Variants in CTNNA3 observed in about 807,000 individuals in gnomAD.
The protein encoded by CTNNA3 is catenin alpha-3.
Under a neutral mutation model 95.7 loss-of-function variants are expected in CTNNA3, and 76 were observed. The observed-to-expected ratio is 0.79, with a 90% CI of 0.66 to 0.96. CTNNA3 has a LOEUF of 0.96. Ranked by LOEUF, CTNNA3 falls within the 40% of genes least tolerant of loss-of-function variation. The pLI is 0.00. For synonymous variants in CTNNA3, 431 were observed against 374.4 expected (o/e 1.15, Z -1.74); for missense variants, 1,191 against 1,089.8 (o/e 1.09, Z -1.31).
At chr10:67,199,167 C>T (rs1012856409) in intron 6 of CTNNA3, among the ~76,000 whole-genome samples, 1 of 152,084 alleles carries the variant, frequency 6.6e-6, no homozygotes, top group Non-Finnish European at 1.5e-5. Context: ...AGTAAAGAAA[C>T]AGTTTGCTAA....
At chr10:66,589,686 A>G (rs180733238) in intron 10 of CTNNA3, among the ~76,000 whole-genome samples, 2 of 152,296 alleles carry the variant, frequency 1.3e-5, no homozygotes, top group Non-Finnish European at 2.9e-5. Flanking sequence ...AGATGTTGTC[A>G]TATTAACAGA....
intron 15 of CTNNA3, among the ~76,000 whole-genome samples, chr10:65,998,745 G>A (rs939548911): frequency 2.0e-5 from 3 of 152,162 alleles, no homozygotes; most frequent in African/African-American, 7.2e-5. Flanking sequence ...CTTGAGAATA[G>A]ACACCCTAAT....
At chr10:67,564,015 A>C (rs1270109937) in intron 3 of CTNNA3, among the ~76,000 whole-genome samples, 2 of 148,944 alleles carry the variant, frequency 1.3e-5, no homozygotes, top group Non-Finnish European at 3.0e-5. Flanking sequence ...GAGGATGTGG[A>C]GAAATAGGAA....
intron 10 of CTNNA3, among the ~76,000 whole-genome samples, chr10:66,539,947 T>C (rs552253823): frequency 6.0e-4 from 91 of 152,178 alleles, no homozygotes; most frequent in African/African-American, 2.2e-3. Context: ...CCTATAATAG[T>C]CCTGGTCAAT....
chr10:66,616,556 A>G (rs1844521092), intron 10 of CTNNA3, among the ~76,000 whole-genome samples: 1 of 152,030 alleles, frequency 6.6e-6, no homozygotes, highest in South Asian at 2.1e-4. Context: ...CACTATTTCA[A>G]ATATCTCTGC....
intron 10 of CTNNA3, among the ~76,000 whole-genome samples, chr10:66,553,517 CTTTTTT>C (rs753973882): frequency 2.0e-3 from 107 of 52,218 alleles, no homozygotes; most frequent in Non-Finnish European, 2.8e-3. Context: ...CAATACTTTT[CTTTTTT>C]TTTTTTTTTT....
At chr10:67,036,524 C>A (rs992722268) in intron 7 of CTNNA3, among the ~76,000 whole-genome samples, 1 of 152,054 alleles carries the variant, frequency 6.6e-6, no homozygotes, top group African/African-American at 2.4e-5. Context: ...CTTAGCCGGG[C>A]GTGGTGGCAG....
At chr10:66,964,185 A>G (rs1420863104) in intron 7 of CTNNA3, among the ~76,000 whole-genome samples, 1 of 152,090 alleles carries the variant, frequency 6.6e-6, no homozygotes, top group African/African-American at 2.4e-5. Flanking sequence ...CATCGTAGGA[A>G]AAACTTTGTC....
chr10:67,221,735 C>T (rs1311692891), intron 5 of CTNNA3, among the ~76,000 whole-genome samples: 1 of 151,892 alleles, frequency 6.6e-6, no homozygotes, highest in Non-Finnish European at 1.5e-5. Flanking sequence ...CCACCACACC[C>T]AGCTAATTTT....
chr10:66,665,551 C>T (rs1165668202), intron 9 of CTNNA3, among the ~76,000 whole-genome samples: 1 of 152,136 alleles, frequency 6.6e-6, no homozygotes, highest in East Asian at 1.9e-4. Context: ...ATCTGAGAAT[C>T]TTTACCCAAT....
intron 11 of CTNNA3, among the ~76,000 whole-genome samples, chr10:66,448,146 A>G (rs1309911079): frequency 6.6e-6 from 1 of 152,176 alleles, no homozygotes; most frequent in East Asian, 1.9e-4. Flanking sequence ...CACACCAGTT[A>G]GAATGGCAAT....
At chr10:67,627,614 T>C (rs1253040699) in intron 2 of CTNNA3, among the ~76,000 whole-genome samples, 2 of 152,158 alleles carry the variant, frequency 1.3e-5, no homozygotes, top group Non-Finnish European at 2.9e-5. Context: ...TAAGTTAAAA[T>C]ACTAAAACAT....
chr10:67,191,794 C>A, intron 6 of CTNNA3, among the ~76,000 whole-genome samples: 1 of 151,822 alleles, frequency 6.6e-6, no homozygotes, highest in East Asian at 1.9e-4. Context: ...ATAGCCAAAG[C>A]AATCTTAAGA....
At chr10:66,529,680 C>T (rs16923214) in intron 10 of CTNNA3, among the ~76,000 whole-genome samples, 5,928 of 151,930 alleles carry the variant, frequency 0.039, 334 homozygotes, top group African/African-American at 0.13. Flanking sequence ...TGCAATGTGC[C>T]GGGCATGTTT....
At chr10:66,064,219 G>T (rs1379908005) in intron 15 of CTNNA3, among the ~76,000 whole-genome samples, 1 of 152,074 alleles carries the variant, frequency 6.6e-6, no homozygotes. Flanking sequence ...CTGATAACTC[G>T]CTCACTATCA....
chr10:66,696,383 T>C (rs1279827373), intron 9 of CTNNA3, among the ~76,000 whole-genome samples: 1 of 152,142 alleles, frequency 6.6e-6, no homozygotes, highest in Admixed American at 6.5e-5. Flanking sequence ...TTATAGACTA[T>C]CCACGATTTA....
At chr10:67,393,401 G>A (rs771591238) in intron 5 of CTNNA3, among the ~76,000 whole-genome samples, 3 of 152,136 alleles carry the variant, frequency 2.0e-5, no homozygotes, top group Non-Finnish European at 2.9e-5. Flanking sequence ...ACTCATTTAT[G>A]ATGTCAGCCA....
intron 1 of CTNNA3, among the ~76,000 whole-genome samples, chr10:67,679,378 C>T (rs1369282773): frequency 1.3e-5 from 2 of 152,148 alleles, no homozygotes; most frequent in African/African-American, 4.8e-5. Context: ...TTGAGAACCA[C>T]TATTTTACAG....
At chr10:66,378,208 T>TA (rs1243320679) in intron 12 of CTNNA3, among the ~76,000 whole-genome samples, 1 of 152,046 alleles carries the variant, frequency 6.6e-6, no homozygotes, top group Non-Finnish European at 1.5e-5. Flanking sequence ...AAAGAAAAAT[T>TA]AAAAAAATGA....
Sources: allele counts gnomAD v4.1 joint callset (sites outside exome capture counted in the v4.1 genomes callset), GRCh38; gene constraint gnomAD v4.1.1; transcripts MANE v1.5; gene names NCBI Gene and HGNC (gene_info 2026-07-23, HGNC 2026-07-21).